SATB2: variants seen among roughly 807,000 people sequenced by gnomAD.
SATB2 encodes DNA-binding protein SATB2.
A neutral mutation model predicts 73.4 loss-of-function variants in SATB2; 1 was observed. The observed-to-expected ratio is 0.01, with a 90% CI of 0.00 to 0.06. SATB2 has a LOEUF of 0.06. Among genes scored for constraint, SATB2 ranks in the 10% least tolerant of loss-of-function variants. The pLI, the probability that SATB2 is intolerant of heterozygous loss-of-function variation, is 1.00. For synonymous variants in SATB2, 397 were observed against 367.0 expected (o/e 1.08, Z -0.93); for missense variants, 459 against 945.8 (o/e 0.49, Z 6.75).
chr2:199,468,444 C>T (rs1005594022), upstream of SATB2, among the ~76,000 whole-genome samples: 13 of 152,302 alleles, frequency 8.5e-5, no homozygotes, highest in African/African-American at 2.9e-4. Context: ...GGAGCACCGC[C>T]TGGCAGGGCC....
At chr2:199,357,953 A>C (rs1338585231) in intron 6 of SATB2, among the ~76,000 whole-genome samples, 1 of 152,130 alleles carries the variant, frequency 6.6e-6, no homozygotes, top group Non-Finnish European at 1.5e-5. Flanking sequence ...CAGCTTGAGA[A>C]TCTTGGGCAA....
At chr2:199,302,141 A>C (rs1687305068) in intron 10 of SATB2, among the ~76,000 whole-genome samples, 1 of 152,198 alleles carries the variant, frequency 6.6e-6, no homozygotes, top group Admixed American at 6.6e-5. Context: ...TAAATTGTAC[A>C]GTGTCTTAGA....
chr2:199,281,891 T>C (rs780555855), intron 10 of SATB2, among the ~76,000 whole-genome samples: 1,621 of 151,628 alleles, frequency 0.011, 23 homozygotes, highest in Non-Finnish European at 0.017. Flanking sequence ...TCTTTTTTTT[T>C]TTTTTTTTGA....
At chr2:199,431,639 C>T (rs1248371831) in intron 3 of SATB2, among the ~76,000 whole-genome samples, 2 of 152,146 alleles carry the variant, frequency 1.3e-5, no homozygotes, top group Non-Finnish European at 2.9e-5. Flanking sequence ...TATATCTCAC[C>T]TTGGTGAGTA....
chr2:199,405,544 G>A (rs897632672), intron 3 of SATB2, among the ~76,000 whole-genome samples: 9 of 152,152 alleles, frequency 5.9e-5, no homozygotes, highest in African/African-American at 2.2e-4. Context: ...AAAGGCTGGA[G>A]GGCAAATGCA....
At chr2:199,394,845 T>C (rs1225943783) in intron 3 of SATB2, among the ~76,000 whole-genome samples, 3 of 152,228 alleles carry the variant, frequency 2.0e-5, no homozygotes, top group Admixed American at 6.5e-5. Context: ...GGTGTTTCAT[T>C]TTGATTCTAA....
At chr2:199,311,330 C>A (rs1249645072) in intron 9 of SATB2, among the ~76,000 whole-genome samples, 2 of 152,058 alleles carry the variant, frequency 1.3e-5, no homozygotes, top group African/African-American at 4.8e-5. Flanking sequence ...GTTTGCTTGG[C>A]TGATCAGATT....
Position 199,348,810 on chromosome 2 carries a change from T to A in SATB2, c.1064A>T (p.Asn355Ile), listed in dbSNP as rs1283962528. 2 of 1,612,514 alleles carry A rather than the reference T, an allele frequency of 1.2e-6. No homozygotes were observed. The highest frequency in any genetic ancestry group is 1.7e-6 in the Non-Finnish European group (2 of 1,178,854). ...IPRAVKPEPT[N>I]SSVEVSPDIY... ...ATCTGGAGAGACTTCCACGGAAGAG[T>A]TGGTTGGCTCTGGCTTAACTGCTCT... Residue 355 changes from asparagine (N) to isoleucine (I), a missense_variant, in exon 7 of 11, where the codon AAC becomes ATC. By Grantham distance (149) the Asn-to-Ile change is moderately radical (BLOSUM62 -3). Around this residue, in one of 13 missense-constraint regions of SATB2, gnomAD observed 35 missense variants for 55.3 expected, o/e 0.63. Transcript: ENST00000417098.
intron 6 of SATB2, among the ~76,000 whole-genome samples, chr2:199,350,528 T>C (rs956929675): frequency 2.0e-5 from 3 of 152,194 alleles, no homozygotes; most frequent in Admixed American, 2.0e-4. Flanking sequence ...TCTAAATTAA[T>C]ACTTCATGTA....
intron 6 of SATB2, among the ~76,000 whole-genome samples, chr2:199,360,922 A>C: frequency 6.6e-6 from 1 of 151,574 alleles, no homozygotes; most frequent in African/African-American, 2.4e-5. Flanking sequence ...CTGCCCCTCC[A>C]CTGCACCCTT....
chr2:199,275,582 C>G (rs1268126580), intron 10 of SATB2, among the ~76,000 whole-genome samples: 2 of 152,082 alleles, frequency 1.3e-5, no homozygotes, highest in Non-Finnish European at 2.9e-5. Flanking sequence ...GGGGAGTTGT[C>G]AGTCTGATAA....
chr2:199,356,579 C>T (rs556878298), intron 6 of SATB2, among the ~76,000 whole-genome samples: 30 of 152,038 alleles, frequency 2.0e-4, no homozygotes, highest in Non-Finnish European at 5.9e-5. Context: ...TGCTCTAGGT[C>T]GAATAACTGT....
intron 3 of SATB2, among the ~76,000 whole-genome samples, chr2:199,430,857 C>G (rs1168347353): frequency 1.3e-5 from 2 of 152,156 alleles, no homozygotes; most frequent in Admixed American, 6.5e-5. Context: ...AAATACTCTT[C>G]CAACTCAATT....
intron 10 of SATB2, among the ~76,000 whole-genome samples, chr2:199,285,333 A>G (rs1318999643): frequency 1.3e-5 from 2 of 150,826 alleles, no homozygotes; most frequent in African/African-American, 4.8e-5. Flanking sequence ...AGAGTGTAGG[A>G]GAAATTACAC....
chr2:199,437,682 GT>G (rs1020929358), intron 2 of SATB2, among the ~76,000 whole-genome samples: 9 of 152,244 alleles, frequency 5.9e-5, no homozygotes, highest in African/African-American at 2.2e-4. Flanking sequence ...TCATAGATCT[GT>G]TGTGAAGATT....
At chr2:199,311,608 C>T (rs761067987) in intron 9 of SATB2, among the ~76,000 whole-genome samples, 13 of 152,152 alleles carry the variant, frequency 8.5e-5, no homozygotes, top group Admixed American at 2.0e-4. Context: ...CCTACGGGCG[C>T]TCCTGTGATG....
intron 7 of SATB2, 187 bp downstream of exon 7, chr2:199,348,514 T>A (rs1351297239): frequency 4.7e-6 from 3 of 633,858 alleles, no homozygotes; most frequent in Non-Finnish European, 8.3e-6. Context: ...AATTAATCAA[T>A]TAGTTAATTA....
In SATB2 at chr2:199,288,431, C is replaced by T. The variant is rs78130850; in HGVS notation, c.1741-15759G>A. Among the ~76,000 whole-genome samples, 915 of 152,250 alleles carry T rather than the reference C, an allele frequency of 6.0e-3. 8 individuals carry two copies. Among genetic ancestry groups the T allele is most frequent in the African/African-American group, 0.021 (854 of 41,540 alleles). On this transcript the variant is annotated intron_variant, in intron 10 of 10. Transcript: ENST00000417098. ...GGAGAAAGCATGTTTGGAAGAGATG[C>T]TTTACTTCAGGGGAAAGAGATGAAA... is the stretch of plus-strand genomic sequence containing the variant.
At position 199,355,955 on chromosome 2, in the gene SATB2, C is replaced by T. The variant is rs143695280; in HGVS notation, c.701-6782G>A. ...TAAAGCTATTATTGTAGTATTTTCA[C>T]GCTGTAAACCTTAACACAGTTGCTT... On this transcript the variant is annotated intron_variant, in intron 6 of 10. Coordinates refer to ENST00000417098, the MANE Select transcript of SATB2 (RefSeq NM_001172509.2). Among the ~76,000 whole-genome samples the T allele has an allele frequency of 7.7e-3, 1,173 of 152,152 alleles. 12 individuals carry two copies. Among genetic ancestry groups the T allele is most frequent in the African/African-American group, 0.026 (1,087 of 41,516 alleles).
Sources: gnomAD v4.1 joint callset for allele counts (sites outside exome capture counted in the v4.1 genomes callset) on GRCh38, gnomAD v4.1.1 for gene constraint, gnomAD v4.1.1 regional missense constraint, MANE v1.5 for transcripts, NCBI Gene and HGNC (gene_info 2026-07-23, HGNC 2026-07-21) for gene names.